Variants in TTC28 observed in about 807,000 individuals in gnomAD.
TTC28 encodes tetratricopeptide repeat domain 28, also known as tetratricopeptide repeat protein 28.
In TTC28, 61 loss-of-function variants were observed where a neutral mutation model predicts 198.0. The ratio of observed to expected loss-of-function variants is 0.31; its 90% CI spans 0.25 to 0.38. The LOEUF (loss-of-function observed/expected upper bound fraction) is 0.38. Ranked by LOEUF, TTC28 falls within the 10% of genes least tolerant of loss-of-function variation. The pLI, the probability that TTC28 is intolerant of heterozygous loss-of-function variation, is 1.00. For synonymous variants in TTC28, 1,171 were observed against 1,297.8 expected, an observed-to-expected ratio of 0.90 and a Z score of 2.10; for missense variants, 2,678 against 3,164.0, an observed-to-expected ratio of 0.85 and a Z score of 3.69.
intron 2 of TTC28, among the ~76,000 whole-genome samples, chr22:28,548,451 T>G (rs181050191): frequency 6.4e-5 from 9 of 141,448 alleles, no homozygotes; most frequent in Admixed American, 2.8e-4. Flanking sequence ...TAAAGCTACA[T>G]TTTTTTTAAT....
At chr22:28,507,982 T>C (rs1468981941) in intron 2 of TTC28, among the ~76,000 whole-genome samples, 11 of 152,160 alleles carry the variant, frequency 7.2e-5, no homozygotes, top group Non-Finnish European at 1.5e-5. Flanking sequence ...AGTGACACTA[T>C]GAAGCAATCA....
At chr22:28,187,127 T>C (rs1924272065) in intron 5 of TTC28, among the ~76,000 whole-genome samples, 1 of 152,112 alleles carries the variant, frequency 6.6e-6, no homozygotes, top group Non-Finnish European at 1.5e-5. Flanking sequence ...GTGGCTGTAA[T>C]ATAAGAAAAA....
chr22:28,128,117 T>C (rs891114885), intron 6 of TTC28, among the ~76,000 whole-genome samples: 7 of 152,094 alleles, frequency 4.6e-5, no homozygotes, highest in Non-Finnish European at 8.8e-5. Context: ...TAACTTAAAT[T>C]TCAAGCGTTG....
intron 1 of TTC28, among the ~76,000 whole-genome samples, chr22:28,674,316 T>C (rs984893208): frequency 2.0e-5 from 3 of 151,408 alleles, no homozygotes; most frequent in Non-Finnish European, 4.4e-5. Flanking sequence ...TTGTTTTTCT[T>C]GGTTTTTGAT....
intron 2 of TTC28, among the ~76,000 whole-genome samples, chr22:28,337,657 T>C (rs2045752663): frequency 6.6e-6 from 1 of 152,238 alleles, no homozygotes; most frequent in Non-Finnish European, 1.5e-5. Context: ...AGAGTAGGAT[T>C]GCAACACCTG....
intron 5 of TTC28, among the ~76,000 whole-genome samples, chr22:28,275,006 A>C (rs976889451): frequency 2.0e-5 from 3 of 146,616 alleles, no homozygotes; most frequent in Non-Finnish European, 4.5e-5. Flanking sequence ...AAAAAGAGAG[A>C]GAGAGAGAAG....
At position 28,679,800 on chromosome 22, in the gene TTC28, A is replaced by G. The variant is rs572379064; in HGVS notation, c.-77T>C. 3.7e-5 allele frequency: 28 copies of G among 758,172 alleles called. No homozygotes were observed. The East Asian group carries it at 1.1e-3, about 29-fold the overall frequency. The allele number at this position is 758,172 out of a possible 1,614,324, so 47.0% of individuals were successfully genotyped here. On this transcript the variant is annotated 5_prime_UTR_variant, in exon 1 of 23. The change abolishes an upstream ATG in the 5' untranslated region. Coordinates refer to ENST00000397906, the MANE Select transcript of TTC28 (RefSeq NM_001145418.2). ...GGCGCGCGCGCCGGTTCCGCGCGCC[A>G]TGTTCCCGCCGTGCTGCGCGCCGCC...
intron 2 of TTC28, among the ~76,000 whole-genome samples, chr22:28,443,899 G>T (rs951098266): frequency 6.6e-6 from 1 of 152,064 alleles, no homozygotes; most frequent in Non-Finnish European, 1.5e-5. Flanking sequence ...AAAGGAAAAG[G>T]AAAGTACTCT....
At chr22:28,332,680 A>G (rs1292612710) in intron 2 of TTC28, among the ~76,000 whole-genome samples, 1 of 152,132 alleles carries the variant, frequency 6.6e-6, no homozygotes, top group Non-Finnish European at 1.5e-5. Flanking sequence ...AGAAATACTC[A>G]TTTGTAAAAC....
At chr22:28,502,904 T>A (rs965493205) in intron 2 of TTC28, among the ~76,000 whole-genome samples, 2 of 152,216 alleles carry the variant, frequency 1.3e-5, no homozygotes, top group Non-Finnish European at 2.9e-5. Context: ...CAAGAGTCCA[T>A]AACTAGCTTT....
Position 28,102,573 on chromosome 22 carries a change from G to T in TTC28, c.3308-1293C>A, listed in dbSNP as rs541000022. Among the ~76,000 whole-genome samples, 4 of 152,294 alleles carry T rather than the reference G, an allele frequency of 2.6e-5. No homozygotes were observed. The East Asian group carries it at 7.7e-4, about 29-fold the overall frequency. On this transcript the variant is annotated intron_variant, in intron 8 of 22. Transcript: ENST00000397906. ...TCACTGTACATAGAAGCTAGCTTGT[G>T]CAGAGACAGCATGAAGGCTCCCACC... is the stretch of plus-strand genomic sequence containing the variant.
chr22:28,580,434 C>T (rs1296338260), intron 2 of TTC28, among the ~76,000 whole-genome samples: 2 of 152,156 alleles, frequency 1.3e-5, no homozygotes, highest in Non-Finnish European at 2.9e-5. Flanking sequence ...GGCAGGGTCT[C>T]ACTATGTTGC....
At chr22:28,591,024 CACACACACACACACACATATAT>C (rs1329460285) in intron 2 of TTC28, among the ~76,000 whole-genome samples, 6 of 74,532 alleles carry the variant, frequency 8.1e-5, no homozygotes, top group Admixed American at 3.5e-4. Context: ...CACACACACA[CACACACACACACACACATATAT>C]ATATATATAT....
intron 12 of TTC28, among the ~76,000 whole-genome samples, chr22:28,055,238 C>T (rs1359311563): frequency 6.6e-6 from 1 of 152,146 alleles, no homozygotes; most frequent in African/African-American, 2.4e-5. Flanking sequence ...TGCTCTGCTA[C>T]GAGTCAAGAA....
At chr22:28,103,873 A>C (rs1942225468) in intron 8 of TTC28, among the ~76,000 whole-genome samples, 1 of 152,220 alleles carries the variant, frequency 6.6e-6, no homozygotes, top group Admixed American at 6.5e-5. Flanking sequence ...AGTTTTTACA[A>C]ATTCAAATGA....
intron 2 of TTC28, among the ~76,000 whole-genome samples, chr22:28,438,158 A>G (rs144999788): frequency 3.3e-5 from 5 of 152,354 alleles, no homozygotes; most frequent in African/African-American, 1.2e-4. Context: ...ACTATTAAAT[A>G]AATTGTGGCC....
At chr22:28,324,574 G>T (rs1215110132) in intron 2 of TTC28, among the ~76,000 whole-genome samples, 1 of 152,154 alleles carries the variant, frequency 6.6e-6, no homozygotes, top group Non-Finnish European at 1.5e-5. Flanking sequence ...TGGGATGCAA[G>T]GCTGATTCAA....
chr22:28,450,893 A>G (rs956491637), intron 2 of TTC28, among the ~76,000 whole-genome samples: 1 of 152,198 alleles, frequency 6.6e-6, no homozygotes, highest in Non-Finnish European at 1.5e-5. Flanking sequence ...CATGAGCCCT[A>G]TGATCACTCT....
chr22:28,314,251 T>C (rs932425628), intron 2 of TTC28, among the ~76,000 whole-genome samples: 4 of 152,128 alleles, frequency 2.6e-5, no homozygotes, highest in East Asian at 1.9e-4. Flanking sequence ...TGCTCATGGA[T>C]AGGAAGAATC....
Sources: allele counts gnomAD v4.1 joint callset (sites outside exome capture counted in the v4.1 genomes callset), GRCh38; gene constraint gnomAD v4.1.1; transcripts MANE v1.5; gene names NCBI Gene and HGNC (gene_info 2026-07-23, HGNC 2026-07-21).